Variants in UBE2E2 observed in about 807,000 individuals in gnomAD.
UBE2E2 encodes the protein ubiquitin-conjugating enzyme E2 E2.
A neutral mutation model predicts 24.7 loss-of-function variants in UBE2E2; 6 were observed. The observed-to-expected ratio is 0.24, with a 90% CI of 0.13 to 0.48. UBE2E2 has a LOEUF of 0.48. UBE2E2 is among the 20% of genes least tolerant of loss of function. The pLI is 0.99. For synonymous variants in UBE2E2, 104 were observed against 83.6 expected, an observed-to-expected ratio of 1.24 and a Z score of -1.33; for missense variants, 169 against 245.0, an observed-to-expected ratio of 0.69 and a Z score of 2.07.
chr3:23,277,502 G>T (rs1292016400), intron 3 of UBE2E2, among the ~76,000 whole-genome samples: 1 of 151,994 alleles, frequency 6.6e-6, no homozygotes, highest in Non-Finnish European at 1.5e-5. Context: ...CAAAACCACT[G>T]CTTACTTTTT....
chr3:23,385,041 C>T (rs958264622), intron 3 of UBE2E2, among the ~76,000 whole-genome samples: 25 of 151,942 alleles, frequency 1.6e-4, no homozygotes, highest in Non-Finnish European at 2.9e-4. Context: ...AGTGATTCTC[C>T]TGCCTCAGCC....
chr3:23,203,393 C>T lies in UBE2E2; in HGVS notation c.-80C>T. On this transcript the variant is annotated 5_prime_UTR_variant, in exon 1 of 6. Coordinates refer to ENST00000396703, the MANE Select transcript of UBE2E2 (RefSeq NM_152653.4). ...CTGGGGCCTCCCCAGTCTCCCTCCC[C>T]CTCGCGCCTGGGCAGCTCTCTCCCA... 4 of 985,686 alleles carry T rather than the reference C, an allele frequency of 4.1e-6. No homozygotes were observed. The highest frequency in any genetic ancestry group is 4.8e-6 in the Non-Finnish European group (4 of 830,234). 61.1% of individuals were successfully genotyped at this position (985,686 alleles called of 1,614,324 possible).
chr3:23,264,566 A>G (rs986471259), intron 3 of UBE2E2, among the ~76,000 whole-genome samples: 1 of 152,120 alleles, frequency 6.6e-6, no homozygotes, highest in African/African-American at 2.4e-5. Context: ...CCACAAAGAA[A>G]TTTTAGAATA....
At chr3:23,529,002 G>C (rs1478886350) in intron 4 of UBE2E2, among the ~76,000 whole-genome samples, 1 of 152,176 alleles carries the variant, frequency 6.6e-6, no homozygotes, top group African/African-American at 2.4e-5. Context: ...CAACAGCTTG[G>C]ATGGATCTTA....
chr3:23,576,774 CAG>C (rs1696356763), intron 5 of UBE2E2, among the ~76,000 whole-genome samples: 1 of 152,162 alleles, frequency 6.6e-6, no homozygotes, highest in South Asian at 2.1e-4. Flanking sequence ...GTACCTGGAA[CAG>C]AGTAGGGGCT....
intron 3 of UBE2E2, among the ~76,000 whole-genome samples, chr3:23,329,380 G>A (rs1361737091): frequency 1.3e-5 from 2 of 152,176 alleles, no homozygotes; most frequent in African/African-American, 4.8e-5. Flanking sequence ...TGTTTTGAAT[G>A]TTCTGGAAAC....
At chr3:23,578,451 T>C (rs1696396331) in intron 5 of UBE2E2, among the ~76,000 whole-genome samples, 1 of 152,166 alleles carries the variant, frequency 6.6e-6, no homozygotes. Context: ...GGAAAATAAA[T>C]TATTTTGTTA....
chr3:23,234,409 G>A (rs1251801509), intron 3 of UBE2E2, among the ~76,000 whole-genome samples: 2 of 152,052 alleles, frequency 1.3e-5, no homozygotes, highest in African/African-American at 4.8e-5. Flanking sequence ...TGTTCAGTTG[G>A]ACACATACAT....
intron 3 of UBE2E2, among the ~76,000 whole-genome samples, chr3:23,492,892 G>T (rs919225257): frequency 3.3e-5 from 5 of 151,718 alleles, no homozygotes; most frequent in African/African-American, 1.2e-4. Flanking sequence ...AAAGAAATAG[G>T]TGAATTTTAT....
chr3:23,371,966 A>C (rs553125390), intron 3 of UBE2E2, among the ~76,000 whole-genome samples: 30 of 152,146 alleles, frequency 2.0e-4, no homozygotes, highest in Admixed American at 5.2e-4. Flanking sequence ...AAAAATATAA[A>C]AATTAGCCGG....
intron 4 of UBE2E2, among the ~76,000 whole-genome samples, chr3:23,512,368 C>T (rs975018754): frequency 1.3e-5 from 2 of 152,018 alleles, no homozygotes; most frequent in Non-Finnish European, 2.9e-5. Context: ...CAGGCATGTG[C>T]CACCATGCCT....
chr3:23,334,823 A>G (rs569142205), intron 3 of UBE2E2, among the ~76,000 whole-genome samples: 4 of 152,340 alleles, frequency 2.6e-5, no homozygotes, highest in East Asian at 3.9e-4. Context: ...GCAGTTAGCT[A>G]TATGATTCAG....
At chr3:23,466,451 A>T (rs1441995559) in intron 3 of UBE2E2, among the ~76,000 whole-genome samples, 1 of 152,222 alleles carries the variant, frequency 6.6e-6, no homozygotes, top group Non-Finnish European at 1.5e-5. Flanking sequence ...TACTTTTGTT[A>T]TAGTGAGCTT....
At chr3:23,553,127 G>A (rs56667039) in intron 5 of UBE2E2, among the ~76,000 whole-genome samples, 47,355 of 151,726 alleles carry the variant, frequency 0.31, 8,144 homozygotes, top group East Asian at 0.51. Context: ...TGTGTTAATG[G>A]TAAAGTTAGC....
At chr3:23,361,921 CA>C (rs1329031902) in intron 3 of UBE2E2, among the ~76,000 whole-genome samples, 5 of 151,962 alleles carry the variant, frequency 3.3e-5, no homozygotes, top group Non-Finnish European at 7.4e-5. Flanking sequence ...AGTACAAGAC[CA>C]CTATCTGTAT....
rs77361342 is a variant in UBE2E2, at chr3:23,448,270, A to C, written c.228-51338A>C. On this transcript the variant is annotated intron_variant, in intron 3 of 5. Coordinates refer to ENST00000396703, the MANE Select transcript of UBE2E2 (RefSeq NM_152653.4). ...GTTCCACCCCTAGGAACTTAGGTCA[A>C]CTCCTGAAAGGCATTTCTGTTTTTG... 5.6e-4 allele frequency among the ~76,000 whole-genome samples: 85 copies of C among 152,232 alleles called. 3 individuals carry two copies. The East Asian group carries it at 0.015, about 27-fold the overall frequency.
At chr3:23,426,530 A>T (rs1003036170) in intron 3 of UBE2E2, among the ~76,000 whole-genome samples, 8 of 152,164 alleles carry the variant, frequency 5.3e-5, no homozygotes, top group Non-Finnish European at 1.2e-4. Context: ...CCTGACTTAG[A>T]GAATTATATC....
At chr3:23,521,097 A>T (rs937504346) in intron 4 of UBE2E2, among the ~76,000 whole-genome samples, 1 of 152,052 alleles carries the variant, frequency 6.6e-6, no homozygotes, top group Non-Finnish European at 1.5e-5. Flanking sequence ...TAAATAACTG[A>T]CCCTTCATAT....
At chr3:23,327,856 A>C (rs552806330) in intron 3 of UBE2E2, among the ~76,000 whole-genome samples, 1 of 152,292 alleles carries the variant, frequency 6.6e-6, no homozygotes, top group East Asian at 1.9e-4. Flanking sequence ...TAAGTTTTTC[A>C]GGGTTCTGAT....
Sources: allele counts gnomAD v4.1 joint callset (sites outside exome capture counted in the v4.1 genomes callset), GRCh38; gene constraint gnomAD v4.1.1; transcripts MANE v1.5; gene names NCBI Gene and HGNC (gene_info 2026-07-23, HGNC 2026-07-21).